Variants in ADAM9 observed in about 807,000 individuals in gnomAD.
ADAM9 encodes ADAM metallopeptidase domain 9, also known as disintegrin and metalloproteinase domain-containing protein 9.
A neutral mutation model predicts 108.1 loss-of-function variants in ADAM9; 54 were observed. The observed-to-expected ratio is 0.50, with a 90% confidence interval of 0.40 to 0.63. ADAM9 has a LOEUF of 0.63. Ranked by LOEUF, ADAM9 falls within the 20% of genes least tolerant of loss-of-function variation. ADAM9 has a pLI of 0.00. For missense variants in ADAM9, 830 were observed against 997.7 expected, an observed-to-expected ratio of 0.83 and a Z score of 2.26; for synonymous variants, 316 against 336.0, an observed-to-expected ratio of 0.94 and a Z score of 0.65.
intron 18 of ADAM9, among the ~76,000 whole-genome samples, chr8:39,086,262 A>C (rs993753304): frequency 2.0e-5 from 3 of 152,038 alleles, no homozygotes; most frequent in African/African-American, 7.2e-5. Flanking sequence ...TGATTCACCC[A>C]CCTCAGCCTC....
chr8:39,093,377 G>T (rs1839409923), intron 20 of ADAM9, among the ~76,000 whole-genome samples: 3 of 151,656 alleles, frequency 2.0e-5, no homozygotes, highest in South Asian at 2.1e-4. Flanking sequence ...TTTTTTTCTG[G>T]ATTTCTTTTT....
At chr8:39,065,659 CAAAAAAAAA>C (rs33990237) in intron 14 of ADAM9, among the ~76,000 whole-genome samples, 1 of 72,878 alleles carries the variant, frequency 1.4e-5, no homozygotes, top group African/African-American at 5.7e-5. Context: ...GGCTACATCT[CAAAAAAAAA>C]AAAAAAAAAA....
At chr8:38,997,358 C>T (rs1055153868) in intron 1 of ADAM9, among the ~76,000 whole-genome samples, 198 bp downstream of exon 1, 1 of 152,166 alleles carries the variant, frequency 6.6e-6, no homozygotes, top group Non-Finnish European at 1.5e-5. Flanking sequence ...CCCTTCTTGG[C>T]CCGGGTCCTC....
rs1175832836 is a variant in ADAM9 at position 38,996,982 on chromosome 8, G to T, written c.-82G>T. 13 of 1,536,016 alleles carry T rather than the reference G, an allele frequency of 8.5e-6. No homozygotes were observed. The highest frequency in any genetic ancestry group is 5.5e-5 in the African/African-American group (4 of 73,180). ...CGCGCGCTTCCCGGCCAGACTTGGG[G>T]CCCCGGCAGGGTTGGAAAATGATGG... On this transcript the variant is annotated 5_prime_UTR_variant, in exon 1 of 22. Coordinates refer to ENST00000487273, the MANE Select transcript of ADAM9 (RefSeq NM_003816.3).
At chr8:38,997,248 G>A in intron 1 of ADAM9, 88 bp downstream of exon 1, 1 of 1,438,312 alleles carries the variant, frequency 7.0e-7, no homozygotes, top group South Asian at 1.2e-5. Context: ...GGGAGTGGAG[G>A]GGCCCGGCCT....
chr8:39,008,393 T>C (rs1353964773), intron 2 of ADAM9, among the ~76,000 whole-genome samples: 3 of 152,166 alleles, frequency 2.0e-5, no homozygotes, highest in African/African-American at 7.2e-5. Flanking sequence ...AGGCTGATCT[T>C]GAAGTCCTGA....
chr8:39,032,487 T>C (rs1837129339), intron 11 of ADAM9, among the ~76,000 whole-genome samples: 1 of 152,264 alleles, frequency 6.6e-6, no homozygotes, highest in Admixed American at 6.5e-5. Flanking sequence ...AGGCGTGGGA[T>C]GTAATCTCCT....
chr8:39,062,042 C>T lies in ADAM9; in HGVS notation c.1591+6270C>T, dbSNP rs578054776. Among the ~76,000 whole-genome samples the T allele has an allele frequency of 2.6e-5, 4 of 152,200 alleles. No homozygotes were observed. The South Asian group carries it at 8.3e-4, about 32-fold the overall frequency. On this transcript the variant is annotated intron_variant, in intron 14 of 21. Transcript: ENST00000487273. ...TTTTCTTCTTATAAGATCGCCAATC[C>T]CATCATAAGGGTCCCATCCTCATGA... is the stretch of plus-strand genomic sequence containing the variant.
intron 12 of ADAM9, among the ~76,000 whole-genome samples, chr8:39,045,953 C>T (rs116469458): frequency 6.6e-6 from 1 of 151,356 alleles, no homozygotes; most frequent in African/African-American, 2.4e-5. Flanking sequence ...TTTTAATATG[C>T]ATTCTCTGAT....
rs141976452 is a variant in ADAM9, at chr8:39,045,050, ATG to A, written c.1302+2942_1302+2943del. The stretch of plus-strand genomic sequence containing the variant: ...TGTGCATACATACATATGTATGTGT[ATG>A]TGTGTGTGCATACATACATATGTGT... On this transcript the variant is annotated intron_variant, in intron 12 of 21. Transcript: ENST00000487273. Among the ~76,000 whole-genome samples the A allele has an allele frequency of 9.1e-4, 15 of 16,434 alleles. 2 individuals are homozygous for A. Among genetic ancestry groups the A allele is most frequent in the South Asian group, 7.7e-3 (5 of 652 alleles). 10.8% of individuals were successfully genotyped at this position (16,434 alleles called of 152,430 possible).
intron 11 of ADAM9, among the ~76,000 whole-genome samples, chr8:39,030,837 T>G (rs1231968361): frequency 6.6e-6 from 1 of 152,238 alleles, no homozygotes; most frequent in African/African-American, 2.4e-5. Context: ...TACATTTCCC[T>G]GATGACATAG....
chr8:39,067,543 GCTCT>G (rs1217889323), intron 14 of ADAM9, among the ~76,000 whole-genome samples: 1 of 151,844 alleles, frequency 6.6e-6, no homozygotes, highest in African/African-American at 2.4e-5. Flanking sequence ...TTATGATTTG[GCTCT>G]CTGTTATTGG....
chr8:39,092,146 T>G (rs1312250266), intron 20 of ADAM9, among the ~76,000 whole-genome samples: 1 of 152,170 alleles, frequency 6.6e-6, no homozygotes, highest in Admixed American at 6.5e-5. Context: ...CCCTAAGCAA[T>G]ATGTAATTTT....
chr8:39,017,502 GT>G (rs1211198296), intron 6 of ADAM9, 88 bp downstream of exon 6: 22 of 1,352,992 alleles, frequency 1.6e-5, no homozygotes, highest in South Asian at 3.8e-5. Flanking sequence ...TATGAGTAGT[GT>G]TTTTTTTTCT....
chr8:39,059,957 G>A (rs1253993291), intron 14 of ADAM9, among the ~76,000 whole-genome samples: 1 of 152,176 alleles, frequency 6.6e-6, no homozygotes, highest in Non-Finnish European at 1.5e-5. Context: ...TGTAACTTGT[G>A]CCTTCCAGGC....
intron 1 of ADAM9, 143 bp from the exon 2 acceptor site, chr8:39,007,743 G>A (rs1474107624): frequency 1.6e-6 from 1 of 640,252 alleles, no homozygotes; most frequent in Non-Finnish European, 2.8e-6. Context: ...AACTTTATAT[G>A]AGTACTTTTA....
chr8:38,997,006 GGAA>G lies in ADAM9; in HGVS notation c.-55_-53del. 6.3e-7 allele frequency: 1 copy of G among 1,579,590 alleles called. No homozygotes were observed. Among genetic ancestry groups the G allele is most frequent in the Non-Finnish European group, 8.6e-7 (1 of 1,168,184 alleles). On this transcript the variant is annotated 5_prime_UTR_variant, in exon 1 of 22. Transcript: ENST00000487273. ...GGCCCCGGCAGGGTTGGAAAATGAT[GGAA>G]GAGGCGGAGGTGGAGGCGACCGAGT...
At chr8:39,079,209 C>CT (rs2129442041) in intron 16 of ADAM9, among the ~76,000 whole-genome samples, 2 of 152,334 alleles carry the variant, frequency 1.3e-5, no homozygotes, top group South Asian at 4.1e-4. Context: ...AGAATGCACC[C>CT]TTTCTGCCAC....
At chr8:39,054,601 G>GTA in intron 13 of ADAM9, 28 bp downstream of exon 13, 216 of 751,834 alleles carry the variant, frequency 2.9e-4, no homozygotes, top group Non-Finnish European at 3.5e-4. Context: ...TTTGGAAACA[G>GTA]GAAAAAAAAA....
Sources: allele counts gnomAD v4.1 joint callset (sites outside exome capture counted in the v4.1 genomes callset), GRCh38; gene constraint gnomAD v4.1.1; transcripts MANE v1.5; gene names NCBI Gene and HGNC (gene_info 2026-07-23, HGNC 2026-07-21).